CENPP: variants seen among roughly 807,000 people sequenced by gnomAD.
The protein encoded by CENPP is centromere protein P.
A neutral mutation model predicts 35.6 loss-of-function variants in CENPP; 24 were observed. The ratio of observed to expected loss-of-function variants is 0.67; its 90% CI spans 0.49 to 0.95. CENPP has a LOEUF of 0.95. Ranked by LOEUF, CENPP falls within the 40% of genes least tolerant of loss-of-function variation. The pLI is 0.00. For missense variants in CENPP, 332 were observed against 345.3 expected, an observed-to-expected ratio of 0.96 and a Z score of 0.31; for synonymous variants, 120 against 125.5, an observed-to-expected ratio of 0.96 and a Z score of 0.29.
At position 92,424,768 on chromosome 9, in the gene CENPP, G is replaced by A. The variant is rs550725105; in HGVS notation, c.564+44909G>A. ...CGGCTCACCACAACCTCCACCTCCC[G>A]GGTTCAAGCAATTCTCCTGTCTCAG... On this transcript the variant is annotated intron_variant, in intron 5 of 7. Transcript: ENST00000375587. Among the ~76,000 whole-genome samples, 29 of 152,190 alleles carry A rather than the reference G, an allele frequency of 1.9e-4. No individual in the cohort carries two copies. The South Asian group carries it at 3.7e-3, about 20-fold the overall frequency.
chr9:92,486,130 G>T (rs1169536633), intron 5 of CENPP, among the ~76,000 whole-genome samples: 2 of 152,196 alleles, frequency 1.3e-5, no homozygotes, highest in African/African-American at 4.8e-5. Context: ...TCCCTGTCAG[G>T]TGACAGTCAC....
intron 5 of CENPP, among the ~76,000 whole-genome samples, chr9:92,567,999 A>G (rs1200346472): frequency 6.6e-6 from 1 of 152,204 alleles, no homozygotes; most frequent in Admixed American, 6.5e-5. Flanking sequence ...TCCTTCCCTT[A>G]TCAGTAATTA....
intron 5 of CENPP, among the ~76,000 whole-genome samples, chr9:92,602,157 G>A (rs1850938030): frequency 6.6e-6 from 1 of 152,302 alleles, no homozygotes; most frequent in South Asian, 2.1e-4. Flanking sequence ...GCCAGACCTG[G>A]GGGCTTGAGC....
chr9:92,342,779 T>C (rs565702307), intron 3 of CENPP, among the ~76,000 whole-genome samples: 7 of 152,380 alleles, frequency 4.6e-5, no homozygotes, highest in African/African-American at 1.4e-4. Flanking sequence ...GAAAAGTTTT[T>C]GAAATGTTTA....
At chr9:92,531,677 G>C (rs1055262103) in intron 5 of CENPP, among the ~76,000 whole-genome samples, 4 of 151,606 alleles carry the variant, frequency 2.6e-5, no homozygotes, top group African/African-American at 9.7e-5. Context: ...AATGTAACCC[G>C]CCCCTCAATT....
At chr9:92,437,771 T>G (rs1588129462) in intron 5 of CENPP, among the ~76,000 whole-genome samples, 1 of 151,980 alleles carries the variant, frequency 6.6e-6, no homozygotes, top group Non-Finnish European at 1.5e-5. Flanking sequence ...TTATAAGTTA[T>G]TTTTTGGAGA....
At chr9:92,542,886 T>G (rs982185458) in intron 5 of CENPP, among the ~76,000 whole-genome samples, 1 of 152,238 alleles carries the variant, frequency 6.6e-6, no homozygotes, top group Non-Finnish European at 1.5e-5. Flanking sequence ...TGAGTTGATT[T>G]CTGTTTATGG....
intron 5 of CENPP, among the ~76,000 whole-genome samples, chr9:92,556,111 A>G (rs1292308074): frequency 6.6e-6 from 1 of 152,116 alleles, no homozygotes; most frequent in East Asian, 1.9e-4. Flanking sequence ...GGTTCAAATA[A>G]TTTTTTAATT....
intron 4 of CENPP, among the ~76,000 whole-genome samples, chr9:92,361,485 T>G (rs1338468912): frequency 9.1e-6 from 1 of 110,074 alleles, no homozygotes; most frequent in African/African-American, 4.1e-5. Context: ...TTTATTTTAT[T>G]TTATTTTATT....
chr9:92,472,612 C>T (rs777840566), intron 5 of CENPP, among the ~76,000 whole-genome samples: 2 of 147,568 alleles, frequency 1.4e-5, no homozygotes, highest in African/African-American at 5.0e-5. Flanking sequence ...GAGCCGAGAT[C>T]GCGCCATTGT....
chr9:92,505,753 C>G (rs1846966152), intron 5 of CENPP: 6 of 1,365,150 alleles, frequency 4.4e-6, no homozygotes, highest in Non-Finnish European at 5.0e-6. Flanking sequence ...TTTTTGTAGC[C>G]TTTTGAAATG....
chr9:92,591,966 A>G (rs1202876433), intron 5 of CENPP, among the ~76,000 whole-genome samples: 2 of 152,136 alleles, frequency 1.3e-5, no homozygotes, highest in Non-Finnish European at 2.9e-5. Flanking sequence ...ATAGACATAC[A>G]TGGGTGCAGC....
chr9:92,611,898 T>C (rs1172149701), intron 6 of CENPP, among the ~76,000 whole-genome samples: 1 of 152,230 alleles, frequency 6.6e-6, no homozygotes, highest in African/African-American at 2.4e-5. Context: ...ATGACCTGTG[T>C]GTGAATGCCT....
intron 5 of CENPP, among the ~76,000 whole-genome samples, chr9:92,555,309 C>T (rs1413618244): frequency 6.8e-6 from 1 of 147,086 alleles, no homozygotes; most frequent in Non-Finnish European, 1.5e-5. Context: ...CTCACCACAC[C>T]TCTGCCTCCC....
intron 5 of CENPP, among the ~76,000 whole-genome samples, chr9:92,467,237 T>C (rs1845348720): frequency 6.6e-6 from 1 of 152,208 alleles, no homozygotes; most frequent in African/African-American, 2.4e-5. Context: ...CGTACCAGTG[T>C]GAGTGTGCTC....
chr9:92,386,636 A>G (rs1372436509), intron 5 of CENPP, among the ~76,000 whole-genome samples: 1 of 152,102 alleles, frequency 6.6e-6, no homozygotes, highest in African/African-American at 2.4e-5. Flanking sequence ...GTGAGTCCCT[A>G]TGTGGGATTG....
intron 5 of CENPP, among the ~76,000 whole-genome samples, chr9:92,406,472 T>G (rs549877017): frequency 1.3e-5 from 2 of 152,202 alleles, no homozygotes; most frequent in Non-Finnish European, 2.9e-5. Context: ...AGAATACCAC[T>G]GTTCATCTAT....
chr9:92,619,570 A>C lies in CENPP; in HGVS notation c.*6421A>C, dbSNP rs1053924605. On this transcript the variant is annotated 3_prime_UTR_variant, in exon 8 of 8. Transcript: ENST00000375587. Reference sequence around the variant, plus strand: ...GGCGACGCGGTACTGCTGCACCTGCAGGGGCGGGAAAGATCAGCTCCAGGT... The same window carrying C: ...GGCGACGCGGTACTGCTGCACCTGCCGGGGCGGGAAAGATCAGCTCCAGGT... 1.0e-5 allele frequency: 16 copies of C among 1,573,664 alleles called. No individual in the cohort carries two copies. The African/African-American group carries it at 2.0e-4, about 20-fold the overall frequency.
chr9:92,419,391 C>T lies in CENPP; in HGVS notation c.564+39532C>T, dbSNP rs566016647. Among the ~76,000 whole-genome samples the T allele has an allele frequency of 2.6e-5, 4 of 150,974 alleles. No homozygotes were observed. In the South Asian group the frequency reaches 6.3e-4, roughly 24 times the overall value. On this transcript the variant is annotated intron_variant, in intron 5 of 7. Transcript: ENST00000375587. ...TCTCGGCTCACTGCAGCCACCACCT[C>T]CTGGGTTTAAGCAATTCTCCTGCCT...
Sources: allele counts gnomAD v4.1 joint callset (sites outside exome capture counted in the v4.1 genomes callset), GRCh38; gene constraint gnomAD v4.1.1; transcripts MANE v1.5; gene names NCBI Gene and HGNC (gene_info 2026-07-23, HGNC 2026-07-21).